Variants in CEBPZOS observed in about 807,000 individuals in gnomAD.
CEBPZOS encodes the protein protein CEBPZOS.
CEBPZOS carries 10 observed loss-of-function variants against 4.8 expected under a neutral mutation model. The ratio of observed to expected loss-of-function variants is 2.07; its 90% CI spans 1.28 to 3.52. CEBPZOS has a LOEUF of 3.52. CEBPZOS is among the 30% of genes most tolerant of loss of function. The pLI is 0.00. For synonymous variants in CEBPZOS, 25 were observed against 14.2 expected, an observed-to-expected ratio of 1.77 and a Z score of -1.72; for missense variants, 98 against 43.6, an observed-to-expected ratio of 2.25 and a Z score of -3.51.
intron 1 of CEBPZOS, chr2:37,197,386 G>A (rs1051020382): frequency 3.9e-5 from 6 of 152,244 alleles, no homozygotes; most frequent in African/African-American, 1.4e-4. Flanking sequence ...TTTGGAGGCA[G>A]CTATGCTCAC....
At chr2:37,206,328 A>T (rs1212538845), downstream of CEBPZOS, among the ~76,000 whole-genome samples, 2 of 152,242 alleles carry the variant, frequency 1.3e-5, no homozygotes, top group Non-Finnish European at 2.9e-5. Flanking sequence ...CAGCACTATA[A>T]GAAATGCTGA....
downstream of CEBPZOS, chr2:37,214,974 T>G (rs747602887): frequency 6.7e-7 from 1 of 1,496,326 alleles, no homozygotes; most frequent in South Asian, 1.1e-5. Flanking sequence ...AATTTAAACA[T>G]TTTAACTTCA....
rs1480910840 is a variant in CEBPZOS at position 37,201,899 on chromosome 2, G to C, written c.*39G>C. ...GTTCAGCCTCCCATCTAAGCTGTTTGAGACCTTTGAGAGAAGAAGAAAAGA... is the reference window on the plus strand; with the variant it reads ...GTTCAGCCTCCCATCTAAGCTGTTTCAGACCTTTGAGAGAAGAAGAAAAGA... On this transcript the variant is annotated 3_prime_UTR_variant, in exon 5 of 5. Coordinates refer to ENST00000402297, the MANE Select transcript of CEBPZOS (RefSeq NM_001322374.2). 1.4e-5 allele frequency: 22 copies of C among 1,611,726 alleles called. No individual in the cohort carries two copies. The highest frequency in any genetic ancestry group is 1.9e-5 in the Non-Finnish European group (22 of 1,179,472).
downstream of CEBPZOS, among the ~76,000 whole-genome samples, chr2:37,206,673 GA>G (rs1677550409): frequency 6.6e-6 from 1 of 152,064 alleles, no homozygotes; most frequent in South Asian, 2.1e-4. Flanking sequence ...TCTAAATCTT[GA>G]AACAAAACCT....
Position 37,201,636 on chromosome 2 carries a change from T to C in CEBPZOS, c.161-6T>C. The C allele has an allele frequency of 5.6e-6, 4 of 714,730 alleles. No homozygotes were observed. The South Asian group carries it at 6.5e-5, about 12-fold the overall frequency. 44.3% of individuals were successfully genotyped at this position (714,730 alleles called of 1,614,324 possible). A position where few individuals can be genotyped will look rare whatever the true frequency, so the allele number is the denominator to read the frequency against. On this transcript the variant is annotated splice_region_variant and splice_polypyrimidine_tract_variant and intron_variant, in intron 3 of 4. Coordinates refer to ENST00000402297, the MANE Select transcript of CEBPZOS (RefSeq NM_001322374.2). ...CTTTATAAATGAGAGCTATTTTTAT[T>C]TATAGTTTATTACAAATCCACTGAG...
intron 1 of CEBPZOS, among the ~76,000 whole-genome samples, chr2:37,198,083 C>G (rs1258488198): frequency 6.6e-6 from 1 of 151,984 alleles, no homozygotes; most frequent in Non-Finnish European, 1.5e-5. Context: ...TTGCTTGAAT[C>G]CGGCAGGCGG....
rs758525915 is a variant in CEBPZOS at position 37,211,916 on chromosome 2, T to A, written c.*3-1521T>A. ...CATCTTCATCAACTTCAGCAAATTCTTCATCATCCATACTTCCTAAAGAAA... is the reference window on the plus strand; with the variant it reads ...CATCTTCATCAACTTCAGCAAATTCATCATCATCCATACTTCCTAAAGAAA... On this transcript the variant is annotated intron_variant, in intron 4 of 4. Transcript: ENST00000397064. 1.3e-4 allele frequency: 211 copies of A among 1,613,424 alleles called. No homozygotes were observed. Among genetic ancestry groups the A allele is most frequent in the Non-Finnish European group, 1.6e-4 (185 of 1,179,846 alleles).
chr2:37,206,357 G>C (rs1380879770), downstream of CEBPZOS, among the ~76,000 whole-genome samples: 1 of 152,202 alleles, frequency 6.6e-6, no homozygotes, highest in Non-Finnish European at 1.5e-5. Context: ...CTAAATCTTT[G>C]TTTTTTGTTT....
Position 37,201,743 on chromosome 2 carries a change from T to C in CEBPZOS, c.*2+17T>C, listed in dbSNP as rs766109319. On this transcript the variant is annotated intron_variant, in intron 4 of 4. Coordinates refer to ENST00000402297, the MANE Select transcript of CEBPZOS (RefSeq NM_001322374.2). Reference sequence around the variant, plus strand: ...AAATTAGATGTAAGTAGAATTTTAATCTATAATTTACATTAATAACTCATT... The same window carrying C: ...AAATTAGATGTAAGTAGAATTTTAACCTATAATTTACATTAATAACTCATT... The C allele has an allele frequency of 3.4e-5, 43 of 1,272,116 alleles. No individual in the cohort carries two copies. Among genetic ancestry groups the C allele is most frequent in the Non-Finnish European group, 4.7e-5 (42 of 884,744 alleles). The allele number at this position is 1,272,116 out of a possible 1,614,324, so 78.8% of individuals were successfully genotyped here.
At chr2:37,214,632 A>G (rs1392758361), downstream of CEBPZOS, among the ~76,000 whole-genome samples, 1 of 152,224 alleles carries the variant, frequency 6.6e-6, no homozygotes, top group East Asian at 1.9e-4. Context: ...TATTAAGATT[A>G]GCAAAATGAC....
Position 37,201,489 on chromosome 2 carries a change from G to T in CEBPZOS, c.161-153G>T, listed in dbSNP as rs944293889. On this transcript the variant is annotated intron_variant, in intron 3 of 4. Coordinates refer to ENST00000402297, the MANE Select transcript of CEBPZOS (RefSeq NM_001322374.2). ...AGTGCTCATTACAATGATCAGAGAT[G>T]CCAGGACTTATATGTGAAGTCTGTA... The T allele has an allele frequency of 6.1e-5, 36 of 586,812 alleles. No individual in the cohort carries two copies. The African/African-American group carries it at 6.4e-4, about 10-fold the overall frequency. The allele number at this position is 586,812 out of a possible 1,614,324, so 36.4% of individuals were successfully genotyped here. A position where few individuals can be genotyped will look rare whatever the true frequency, so the allele number is the denominator to read the frequency against.
In CEBPZOS at chr2:37,204,450, G is replaced by A. The variant is rs1257673916; in HGVS notation, c.*2590G>A. On this transcript the variant is annotated 3_prime_UTR_variant, in exon 5 of 5. Coordinates refer to ENST00000402297, the MANE Select transcript of CEBPZOS (RefSeq NM_001322374.2). ...ATGCCACCACGCCAAGCTAATTTTT[G>A]TATTTTTAGTAGAGATGGGGTTTCA... 1 of 151,480 alleles carries A rather than the reference G, an allele frequency of 6.6e-6. No homozygotes were observed. The highest frequency in any genetic ancestry group is 2.4e-5 in the African/African-American group (1 of 41,178). The allele number at this position is 151,480 out of a possible 1,614,324, so 9.4% of individuals were successfully genotyped here. A position where few individuals can be genotyped will look rare whatever the true frequency, so the allele number is the denominator to read the frequency against.
chr2:37,197,303 C>T (rs1354361746), intron 1 of CEBPZOS: 3 of 152,200 alleles, frequency 2.0e-5, no homozygotes, highest in African/African-American at 7.2e-5. Context: ...TTATCAGCCT[C>T]CTGAAGCCGA....
chr2:37,212,889 A>AT (rs1677771200), intron 4 of CEBPZOS, among the ~76,000 whole-genome samples: 1 of 151,012 alleles, frequency 6.6e-6, no homozygotes, highest in Non-Finnish European at 1.5e-5. Context: ...CAAAAAAAAA[A>AT]CGAGCCGGAC....
At chr2:37,212,180 T>A in intron 4 of CEBPZOS, 2 of 978,592 alleles carry the variant, frequency 2.0e-6, no homozygotes, top group Non-Finnish European at 3.1e-6. Flanking sequence ...AATAACGTGC[T>A]TTATAAATGT....
downstream of CEBPZOS, among the ~76,000 whole-genome samples, chr2:37,206,228 C>T (rs1356530416): frequency 6.6e-6 from 1 of 152,202 alleles, no homozygotes; most frequent in African/African-American, 2.4e-5. Context: ...CGTGTGGCAA[C>T]GTGTTTAGTC....
At chr2:37,215,508 A>C (rs981040472), downstream of CEBPZOS, 1 of 152,422 alleles carries the variant, frequency 6.6e-6, no homozygotes, top group Non-Finnish European at 1.5e-5. Flanking sequence ...ATTCTAACTT[A>C]CTAACTGTGG....
At chr2:37,208,529 TAAAAAC>T (rs758049456), downstream of CEBPZOS, among the ~76,000 whole-genome samples, 3 of 151,874 alleles carry the variant, frequency 2.0e-5, no homozygotes, top group Non-Finnish European at 2.9e-5. Context: ...CATAAACAAT[TAAAAAC>T]AAAAATCATA....
chr2:37,201,726 T>TGTAA lies in CEBPZOS; in HGVS notation c.*2+4_*2+7dup. 8.4e-7 allele frequency: 1 copy of TGTAA among 1,189,042 alleles called. No homozygotes were observed. Among genetic ancestry groups the TGTAA allele is most frequent in the East Asian group, 2.5e-5 (1 of 39,348 alleles). 73.7% of individuals were successfully genotyped at this position (1,189,042 alleles called of 1,614,324 possible). A position where few individuals can be genotyped will look rare whatever the true frequency, so the allele number is the denominator to read the frequency against. Reference sequence around the variant, plus strand: ...ACATGGTTGAACAGCAAAAATTAGATGTAAGTAGAATTTTAATCTATAATT... The same window carrying TGTAA: ...ACATGGTTGAACAGCAAAAATTAGATGTAAGTAAGTAGAATTTTAATCTATAATT... On this transcript the variant is annotated splice_region_variant and 3_prime_UTR_variant. Coordinates refer to ENST00000402297, the MANE Select transcript of CEBPZOS (RefSeq NM_001322374.2).
Sources: allele counts gnomAD v4.1 joint callset (sites outside exome capture counted in the v4.1 genomes callset), GRCh38; gene constraint gnomAD v4.1.1; transcripts MANE v1.5; gene names NCBI Gene and HGNC (gene_info 2026-07-23, HGNC 2026-07-21).